The following MAP7 variants were observed in gnomAD, a reference collection of about 807,000 sequenced individuals.
MAP7 encodes microtubule associated protein 7, also known as ensconsin.
MAP7 carries 52 observed loss-of-function variants against 94.8 expected under a neutral mutation model. The ratio of observed to expected loss-of-function variants is 0.55; its 90% CI spans 0.44 to 0.69. The LOEUF (loss-of-function observed/expected upper bound fraction) is 0.69, where lower values mean the gene tolerates loss of function less well. MAP7 is among the 30% of genes least tolerant of loss of function. The pLI, the probability that MAP7 is intolerant of heterozygous loss-of-function variation, is 0.00. For missense variants in MAP7, 940 were observed against 964.6 expected, an observed-to-expected ratio of 0.97 and a Z score of 0.34; for synonymous variants, 350 against 357.0, an observed-to-expected ratio of 0.98 and a Z score of 0.22.
intron 1 of MAP7, among the ~76,000 whole-genome samples, chr6:136,502,834 T>C (rs1041594078): frequency 1.3e-5 from 2 of 152,212 alleles, no homozygotes; most frequent in African/African-American, 4.8e-5. Context: ...GATTTTTTTT[T>C]TCCCAGCAAA....
intron 5 of MAP7, among the ~76,000 whole-genome samples, chr6:136,385,320 C>T (rs1778906191): frequency 6.6e-6 from 1 of 151,918 alleles, no homozygotes; most frequent in Admixed American, 6.6e-5. Flanking sequence ...CTGATGGACT[C>T]TTAGGGCAAT....
chr6:136,402,734 G>A (rs1007287537), intron 3 of MAP7, among the ~76,000 whole-genome samples: 1 of 151,804 alleles, frequency 6.6e-6, no homozygotes, highest in East Asian at 1.9e-4. Context: ...GTGAAACCCC[G>A]TCTCTACTAA....
At chr6:136,389,275 G>T in intron 4 of MAP7, 79 bp downstream of exon 4, 1 of 1,493,326 alleles carries the variant, frequency 6.7e-7, no homozygotes, top group South Asian at 1.4e-5. Flanking sequence ...CCCTGCACCT[G>T]ACTGCAAAGT....
intron 3 of MAP7, among the ~76,000 whole-genome samples, chr6:136,397,095 C>T (rs376926822): frequency 2.0e-5 from 3 of 152,318 alleles, no homozygotes; most frequent in African/African-American, 4.8e-5. Context: ...CTTCTTTAAA[C>T]AGTCACACAG....
chr6:136,404,212 A>G (rs1378656111), intron 3 of MAP7, among the ~76,000 whole-genome samples: 25 of 152,214 alleles, frequency 1.6e-4, no homozygotes, highest in Admixed American at 1.4e-3. Context: ...CTAACTTGCT[A>G]TCAGCATTTT....
intron 3 of MAP7, among the ~76,000 whole-genome samples, chr6:136,393,176 C>A (rs540480519): frequency 6.6e-6 from 1 of 152,274 alleles, no homozygotes; most frequent in East Asian, 1.9e-4. Context: ...CTCCCCACTG[C>A]TCTCCAAAAT....
chr6:136,407,008 G>A (rs976460892), intron 3 of MAP7, among the ~76,000 whole-genome samples: 3 of 152,086 alleles, frequency 2.0e-5, no homozygotes, highest in Admixed American at 6.6e-5. Flanking sequence ...GCCAATTATG[G>A]CACGCCCACA....
At chr6:136,517,361 A>C (rs991022626) in intron 1 of MAP7, among the ~76,000 whole-genome samples, 4 of 152,222 alleles carry the variant, frequency 2.6e-5, no homozygotes, top group Non-Finnish European at 5.9e-5. Flanking sequence ...TATCTCTATA[A>C]AAAGAGACTG....
chr6:136,526,066 G>T, intron 1 of MAP7: 1 of 1,435,818 alleles, frequency 7.0e-7, no homozygotes, highest in Non-Finnish European at 9.0e-7. Context: ...TAAGCTGCCT[G>T]TTCATTTGAG....
At chr6:136,444,605 T>G (rs1320816170) in intron 1 of MAP7, among the ~76,000 whole-genome samples, 1 of 152,200 alleles carries the variant, frequency 6.6e-6, no homozygotes, top group African/African-American at 2.4e-5. Flanking sequence ...TAGTGATGTT[T>G]TCCTTAACCT....
chr6:136,351,345 G>A (rs752103494), intron 16 of MAP7, among the ~76,000 whole-genome samples: 35 of 152,166 alleles, frequency 2.3e-4, no homozygotes, highest in Non-Finnish European at 8.8e-5. Context: ...TCACACTGCA[G>A]CTACACCTAG....
intron 1 of MAP7, among the ~76,000 whole-genome samples, chr6:136,464,191 G>C (rs906403605): frequency 2.0e-5 from 3 of 152,142 alleles, no homozygotes; most frequent in Admixed American, 2.0e-4. Flanking sequence ...TTGAAACACT[G>C]TTTGAATCAT....
intron 1 of MAP7, among the ~76,000 whole-genome samples, chr6:136,507,817 T>C (rs1281502122): frequency 6.6e-6 from 1 of 152,186 alleles, no homozygotes; most frequent in African/African-American, 2.4e-5. Context: ...TTGTAAGTAC[T>C]TTGCCTGAAG....
At chr6:136,471,121 A>T (rs759558415) in intron 1 of MAP7, among the ~76,000 whole-genome samples, 1 of 152,222 alleles carries the variant, frequency 6.6e-6, no homozygotes, top group Non-Finnish European at 1.5e-5. Context: ...AAAAGCAGAG[A>T]TTCATTTTAT....
At chr6:136,451,410 T>C (rs1036703674) in intron 1 of MAP7, among the ~76,000 whole-genome samples, 1 of 152,234 alleles carries the variant, frequency 6.6e-6, no homozygotes, top group African/African-American at 2.4e-5. Flanking sequence ...AAGTCCACTG[T>C]TGAGACCTGC....
intron 8 of MAP7, among the ~76,000 whole-genome samples, chr6:136,367,463 C>T (rs561322093): frequency 5.3e-5 from 8 of 152,280 alleles, no homozygotes; most frequent in Non-Finnish European, 1.0e-4. Context: ...GCTCAAGCAT[C>T]GACTCCTCTT....
rs907665503 is a variant in MAP7, at chr6:136,496,182, G to A, written c.67+54160C>T. ...AATTAACTATTTGCAAAAAAATTTA[G>A]GTATTTTCCCCCAGGGGAAGAAAAG... On this transcript the variant is annotated intron_variant, in intron 1 of 17. Transcript: ENST00000354570. 2.0e-5 allele frequency among the ~76,000 whole-genome samples: 3 copies of A among 152,174 alleles called. No homozygotes were observed. The East Asian group carries it at 5.8e-4, about 29-fold the overall frequency.
chr6:136,411,725 G>A, intron 2 of MAP7, 28 bp from the exon 3 acceptor site: 1 of 1,492,462 alleles, frequency 6.7e-7, no homozygotes, highest in East Asian at 2.5e-5. Context: ...AAAAACATGA[G>A]ATGAAGAGTG....
At chr6:136,449,397 G>A (rs1800411714) in intron 1 of MAP7, among the ~76,000 whole-genome samples, 1 of 152,206 alleles carries the variant, frequency 6.6e-6, no homozygotes, top group South Asian at 2.1e-4. Flanking sequence ...CGAGAATCGT[G>A]CAGCTCCCCA....
Sources: allele counts gnomAD v4.1 joint callset (sites outside exome capture counted in the v4.1 genomes callset), GRCh38; gene constraint gnomAD v4.1.1; transcripts MANE v1.5; gene names NCBI Gene and HGNC (gene_info 2026-07-23, HGNC 2026-07-21).